ANKRD27: variants seen among roughly 807,000 people sequenced by gnomAD.
The protein encoded by ANKRD27 is ankyrin repeat domain 27.
Under a neutral mutation model 129.7 loss-of-function variants are expected in ANKRD27, and 112 were observed. The observed-to-expected ratio is 0.86, with a 90% confidence interval of 0.74 to 1.01. The LOEUF (loss-of-function observed/expected upper bound fraction) is 1.01. Ranked by LOEUF, ANKRD27 falls within the 50% of genes least tolerant of loss-of-function variation. The probability of loss-of-function intolerance (pLI) is 0.00; values close to 1 mark genes in which losing one functional copy is unlikely to be tolerated. For synonymous variants in ANKRD27, 516 were observed against 511.2 expected, an observed-to-expected ratio of 1.01 and a Z score of -0.13; for missense variants, 1,258 against 1,300.5, an observed-to-expected ratio of 0.97 and a Z score of 0.50.
chr19:32,610,987 TTAAAATAAAATAAAA>T lies in ANKRD27; in HGVS notation c.2176-3170_2176-3156del, dbSNP rs72333215. Among the ~76,000 whole-genome samples the T allele has an allele frequency of 1.8e-3, 277 of 150,400 alleles. 1 individual carries two copies. Among genetic ancestry groups the T allele is most frequent in the African/African-American group, 6.5e-3 (265 of 40,932 alleles). On this transcript the variant is annotated intron_variant, in intron 22 of 28. Coordinates refer to ENST00000306065, the MANE Select transcript of ANKRD27 (RefSeq NM_032139.3). ...CAGAGTGAAACCCCATCTCTAAAAA[TTAAAATAAAATAAAA>T]TAAAATAAAATAAATCACTGGGCTA...
At chr19:32,600,074 T>A in intron 26 of ANKRD27, 24 bp from the exon 27 acceptor site, 1 of 1,515,242 alleles carries the variant, frequency 6.6e-7, no homozygotes, top group Non-Finnish European at 9.1e-7. Context: ...GATAAACATC[T>A]AAAAACTTCA....
At chr19:32,643,537 C>T (rs769269400) in intron 6 of ANKRD27, 35 bp downstream of exon 6, 15 of 1,613,712 alleles carry the variant, frequency 9.3e-6, no homozygotes, top group Admixed American at 1.7e-5. Flanking sequence ...TGGGGGTGCA[C>T]CACAATTCTC....
intron 24 of ANKRD27, 134 bp downstream of exon 24, chr19:32,605,701 C>T: frequency 2.4e-6 from 3 of 1,233,630 alleles, no homozygotes; most frequent in Non-Finnish European, 3.4e-6. Context: ...GCACGCCCTG[C>T]TCCTCTCCCC....
At chr19:32,645,012 CTCCTTAGCCCAG>C (rs1568413006) in intron 4 of ANKRD27, among the ~76,000 whole-genome samples, 1 of 152,204 alleles carries the variant, frequency 6.6e-6, no homozygotes, top group Non-Finnish European at 1.5e-5. Context: ...CGATCCACAC[CTCCTTAGCCCAG>C]TGACTTTAAA....
At chr19:32,656,704 G>A (rs2145316160) in intron 2 of ANKRD27, among the ~76,000 whole-genome samples, 1 of 151,886 alleles carries the variant, frequency 6.6e-6, no homozygotes, top group Admixed American at 6.6e-5. Flanking sequence ...AGGACTGCTT[G>A]AGTCTAGAGG....
chr19:32,602,440 C>T (rs186555779), intron 25 of ANKRD27, among the ~76,000 whole-genome samples: 1 of 152,036 alleles, frequency 6.6e-6, no homozygotes, highest in Non-Finnish European at 1.5e-5. Flanking sequence ...CTGTTGAGGG[C>T]CCCCATATAG....
At chr19:32,666,639 CTATTTTTTTTTTTT>C (rs1967762581) in intron 1 of ANKRD27, among the ~76,000 whole-genome samples, 1 of 112,020 alleles carries the variant, frequency 8.9e-6, no homozygotes, top group African/African-American at 3.5e-5. Context: ...AATCAGATTT[CTATTTTTTTTTTTT>C]TTTTTTTTTG....
rs946601765 is a variant in ANKRD27, at chr19:32,643,783, T to C, written c.526-152A>G. 6.9e-6 allele frequency: 5 copies of C among 722,632 alleles called. No individual in the cohort carries two copies. In the African/African-American group the frequency reaches 8.8e-5, roughly 13 times the overall value. 44.8% of individuals were successfully genotyped at this position (722,632 alleles called of 1,614,324 possible). A position where few individuals can be genotyped will look rare whatever the true frequency, so the allele number is the denominator to read the frequency against. On this transcript the variant is annotated intron_variant, in intron 5 of 28. Transcript: ENST00000306065. ...TTTCTCAACTTTTTTTTTAGGTGTA[T>C]ATGCATTAAAAGCAGGAGAAACTTC...
chr19:32,617,060 A>C (rs1245827222), intron 21 of ANKRD27, among the ~76,000 whole-genome samples: 3 of 152,090 alleles, frequency 2.0e-5, no homozygotes, highest in Non-Finnish European at 4.4e-5. Flanking sequence ...CAGGGCCCAC[A>C]CTCGCTATGT....
At position 32,644,678 on chromosome 19, in the gene ANKRD27, C is replaced by T. The variant is rs562879351; in HGVS notation, c.371-199G>A. On this transcript the variant is annotated intron_variant, in intron 4 of 28. Transcript: ENST00000306065. ...TCAAGGCCTCTTCCTGGGACAAAACCAAACTATCTGGGACCATGGGCAAGA... is the reference window on the plus strand; with the variant it reads ...TCAAGGCCTCTTCCTGGGACAAAACTAAACTATCTGGGACCATGGGCAAGA... Among the ~76,000 whole-genome samples the T allele has an allele frequency of 2.0e-5, 3 of 152,342 alleles. No individual in the cohort carries two copies. In the East Asian group the frequency reaches 5.8e-4, roughly 29 times the overall value.
At chr19:32,661,018 C>T (rs1450878671) in intron 1 of ANKRD27, among the ~76,000 whole-genome samples, 2 of 151,170 alleles carry the variant, frequency 1.3e-5, no homozygotes, top group African/African-American at 2.5e-5. Flanking sequence ...GGCAACATAG[C>T]GAGACCCCAT....
Position 32,648,353 on chromosome 19 carries a change from G to A in ANKRD27, c.213+1329C>T, listed in dbSNP as rs1024269300. On this transcript the variant is annotated intron_variant, in intron 3 of 28. Coordinates refer to ENST00000306065, the MANE Select transcript of ANKRD27 (RefSeq NM_032139.3). Reference sequence around the variant, plus strand: ...AGATATAATTGGTATAATCAGCACAGTCTGTATGAGGACAATATGTTGGAG... The same window carrying A: ...AGATATAATTGGTATAATCAGCACAATCTGTATGAGGACAATATGTTGGAG... Among the ~76,000 whole-genome samples, 5 of 152,218 alleles carry A rather than the reference G, an allele frequency of 3.3e-5. No homozygotes were observed. The South Asian group carries it at 1.0e-3, about 32-fold the overall frequency.
chr19:32,611,112 A>T lies in ANKRD27; in HGVS notation c.2176-3280T>A, dbSNP rs532619569. Among the ~76,000 whole-genome samples, 182 of 152,348 alleles carry T rather than the reference A, an allele frequency of 1.2e-3. 1 individual carries two copies. Among genetic ancestry groups the T allele is most frequent in the African/African-American group, 4.0e-3 (166 of 41,576 alleles). On this transcript the variant is annotated intron_variant, in intron 22 of 28. Transcript: ENST00000306065. ...TGTCTTTTTGAGAAATCACAAAAAG[A>T]GAATAAGAGGTTTTAGAAGTACAGG...
chr19:32,633,401 T>C (rs960969565), intron 12 of ANKRD27, among the ~76,000 whole-genome samples: 2 of 147,220 alleles, frequency 1.4e-5, no homozygotes, highest in Non-Finnish European at 3.0e-5. Context: ...GGTATAATCA[T>C]AGCTCACTAC....
intron 15 of ANKRD27, among the ~76,000 whole-genome samples, chr19:32,627,230 CTT>C (rs1966900154): frequency 6.6e-6 from 1 of 152,116 alleles, no homozygotes; most frequent in African/African-American, 2.4e-5. Context: ...GCACCACACA[CTT>C]TATGCGTCCA....
At chr19:32,639,800 A>G (rs562326048) in intron 11 of ANKRD27, among the ~76,000 whole-genome samples, 1 of 152,260 alleles carries the variant, frequency 6.6e-6, no homozygotes, top group African/African-American at 2.4e-5. Context: ...CACTGTCTAG[A>G]CACTCATTCC....
rs115607432 is a variant in ANKRD27 at position 32,619,786 on chromosome 19, C to T, written c.1828-233G>A. On this transcript the variant is annotated intron_variant, in intron 18 of 28. Transcript: ENST00000306065. ...TCGGGGCTTCCTCCCTTCACGGCTC[C>T]TCCTGTCCCGTGGGAGGGCTCAGGG... 3.7e-3 allele frequency among the ~76,000 whole-genome samples: 570 copies of T among 152,274 alleles called. 4 individuals carry two copies. Among genetic ancestry groups the T allele is most frequent in the African/African-American group, 1.0e-2 (414 of 41,566 alleles).
rs192879487 is a variant in ANKRD27, at chr19:32,606,183, C to T, written c.2374-229G>A. The stretch of plus-strand genomic sequence containing the variant: ...TTTTTTTTTTTTCCAGACAGAGTCT[C>T]GCTCTGTCGCCCAGGCTGGAGTGCA... On this transcript the variant is annotated intron_variant, in intron 23 of 28. Transcript: ENST00000306065. Among the ~76,000 whole-genome samples, 542 of 141,490 alleles carry T rather than the reference C, an allele frequency of 3.8e-3. 10 individuals are homozygous for T. Among genetic ancestry groups the T allele is most frequent in the African/African-American group, 0.013 (503 of 38,110 alleles). 92.8% of individuals were successfully genotyped at this position (141,490 alleles called of 152,430 possible).
At chr19:32,664,849 G>C (rs1313727934) in intron 1 of ANKRD27, among the ~76,000 whole-genome samples, 1 of 148,264 alleles carries the variant, frequency 6.7e-6, no homozygotes, top group Non-Finnish European at 1.5e-5. Flanking sequence ...GAGCCCAGGA[G>C]GCAGAGACTC....
Sources: allele counts gnomAD v4.1 joint callset (sites outside exome capture counted in the v4.1 genomes callset), GRCh38; gene constraint gnomAD v4.1.1; transcripts MANE v1.5; gene names NCBI Gene and HGNC (gene_info 2026-07-23, HGNC 2026-07-21).